Variants in SIK3 observed in about 807,000 individuals in gnomAD.
SIK3 encodes serine/threonine-protein kinase SIK3.
SIK3 carries 28 observed loss-of-function variants against 144.2 expected under a neutral mutation model. The observed-to-expected ratio is 0.19, with a 90% CI of 0.14 to 0.27. The LOEUF (loss-of-function observed/expected upper bound fraction) is 0.27. Ranked by LOEUF, SIK3 falls within the 10% of genes least tolerant of loss-of-function variation. The pLI is 1.00. For missense variants in SIK3, 1,319 were observed against 1,776.0 expected, an observed-to-expected ratio of 0.74 and a Z score of 4.62; for synonymous variants, 686 against 676.3, an observed-to-expected ratio of 1.01 and a Z score of -0.22.
intron 2 of SIK3, among the ~76,000 whole-genome samples, chr11:116,956,724 TA>T (rs1236950704): frequency 6.6e-6 from 1 of 152,088 alleles, no homozygotes; most frequent in Non-Finnish European, 1.5e-5. Flanking sequence ...AAGAACAAAT[TA>T]AAAAGACCTA....
intron 1 of SIK3, among the ~76,000 whole-genome samples, chr11:116,973,514 CCAAA>C (rs145029064): frequency 2.0e-5 from 3 of 152,256 alleles, no homozygotes; most frequent in Non-Finnish European, 2.9e-5. Context: ...CCTTAGTTTA[CCAAA>C]CAAAGTTACT....
In SIK3 at chr11:116,844,672, A is replaced by ATATAT. The variant is rs554134911; in HGVS notation, c.*966_*970dup. ...TTATATATATAATATATATATACAC[A>ATATAT]TATATTATATTATATATATACACAC... On this transcript the variant is annotated 3_prime_UTR_variant, in exon 25 of 25. Coordinates refer to ENST00000445177, the MANE Select transcript of SIK3 (RefSeq NM_001366686.3). The ATATAT allele has an allele frequency of 1.8e-5, 2 of 113,666 alleles. No homozygotes were observed. Among genetic ancestry groups the ATATAT allele is most frequent in the Non-Finnish European group, 3.4e-5 (2 of 58,282 alleles). The allele number at this position is 113,666 out of a possible 1,614,324, so 7.0% of individuals were successfully genotyped here. A position where few individuals can be genotyped will look rare whatever the true frequency, so the allele number is the denominator to read the frequency against.
chr11:117,006,606 C>A (rs1245390718), intron 1 of SIK3, among the ~76,000 whole-genome samples: 2 of 150,194 alleles, frequency 1.3e-5, no homozygotes, highest in African/African-American at 4.9e-5. Flanking sequence ...CAAACCCAAA[C>A]AAACAACACA....
intron 1 of SIK3, among the ~76,000 whole-genome samples, chr11:117,086,848 A>C (rs1271669801): frequency 6.6e-6 from 1 of 151,922 alleles, no homozygotes; most frequent in African/African-American, 2.4e-5. Context: ...TACAAAAATT[A>C]GCCAGGTGTG....
At chr11:117,082,889 G>A (rs1014738820) in intron 1 of SIK3, among the ~76,000 whole-genome samples, 1 of 151,992 alleles carries the variant, frequency 6.6e-6, no homozygotes, top group African/African-American at 2.4e-5. Flanking sequence ...GAAACATCCC[G>A]ATTCCCGCAC....
At chr11:116,997,536 T>C (rs1368672932) in intron 1 of SIK3, among the ~76,000 whole-genome samples, 1 of 152,242 alleles carries the variant, frequency 6.6e-6, no homozygotes, top group Middle Eastern at 3.2e-3. Context: ...AGGAATAAAA[T>C]ATACACTATT....
In SIK3 at chr11:116,844,677, T is replaced by TACACA. The variant is rs1322423208; in HGVS notation, c.*965_*966insTGTGT. On this transcript the variant is annotated 3_prime_UTR_variant, in exon 25 of 25. Transcript: ENST00000445177. ...TATATAATATATATATACACATATA[T>TACACA]TATATTATATATATACACACATATA... 1 of 100,586 alleles carries TACACA rather than the reference T, an allele frequency of 9.9e-6. No individual in the cohort carries two copies. Among genetic ancestry groups the TACACA allele is most frequent in the Non-Finnish European group, 2.0e-5 (1 of 49,492 alleles). 6.2% of individuals were successfully genotyped at this position (100,586 alleles called of 1,614,324 possible). A position where few individuals can be genotyped will look rare whatever the true frequency, so the allele number is the denominator to read the frequency against.
At chr11:116,921,365 C>A (rs760814188) in intron 4 of SIK3, among the ~76,000 whole-genome samples, 57 of 152,090 alleles carry the variant, frequency 3.7e-4, no homozygotes, top group Non-Finnish European at 6.8e-4. Flanking sequence ...ATGTTTGCTG[C>A]CCATATAGCC....
chr11:117,061,814 G>T (rs527303992), intron 1 of SIK3, among the ~76,000 whole-genome samples: 3 of 152,168 alleles, frequency 2.0e-5, no homozygotes, highest in East Asian at 1.9e-4. Flanking sequence ...AGAAATATTA[G>T]AAGAGTCCAA....
intron 1 of SIK3, among the ~76,000 whole-genome samples, chr11:117,033,412 G>GA (rs1439476302): frequency 3.9e-5 from 6 of 152,028 alleles, no homozygotes; most frequent in African/African-American, 1.4e-4. Flanking sequence ...TAAAAATATA[G>GA]AAAAAATAGC....
chr11:116,982,695 C>A (rs937937847), intron 1 of SIK3, among the ~76,000 whole-genome samples: 1 of 152,056 alleles, frequency 6.6e-6, no homozygotes, highest in African/African-American at 2.4e-5. Context: ...CTGGCTCACA[C>A]CTGTAATCCC....
rs138009556 is a variant in SIK3 at position 117,026,389 on chromosome 11, C to T, written c.274-69325G>A. Among the ~76,000 whole-genome samples, 440 of 152,204 alleles carry T rather than the reference C, an allele frequency of 2.9e-3. 1 individual carries two copies. The highest frequency in any genetic ancestry group is 0.01 in the African/African-American group (416 of 41,524). On this transcript the variant is annotated intron_variant, in intron 1 of 24. Coordinates refer to ENST00000445177, the MANE Select transcript of SIK3 (RefSeq NM_001366686.3). ...TGATGCATTTCTCAGAATGTATCCC[C>T]ATCGCTAAGCAGTGCGTGACTATAC...
chr11:116,999,400 T>G (rs897190537), intron 1 of SIK3, among the ~76,000 whole-genome samples: 1 of 152,214 alleles, frequency 6.6e-6, no homozygotes, highest in African/African-American at 2.4e-5. Context: ...AAAAAAATTT[T>G]TTTAATCTGT....
chr11:116,952,922 C>T (rs1005417124), intron 3 of SIK3, among the ~76,000 whole-genome samples: 17 of 152,174 alleles, frequency 1.1e-4, no homozygotes. Context: ...CCCTCCCATA[C>T]TATATTGAGT....
In SIK3 at chr11:116,843,414, G is replaced by T. The variant is rs549175216; in HGVS notation, c.*2229C>A. ...AGGACAAAAGGTCTTAGCAACTTGA[G>T]TCTGGAGATTTTTTTTTTAATCCTT... On this transcript the variant is annotated 3_prime_UTR_variant, in exon 25 of 25. Coordinates refer to ENST00000445177, the MANE Select transcript of SIK3 (RefSeq NM_001366686.3). 2.8e-4 allele frequency: 43 copies of T among 152,058 alleles called. 1 individual carries two copies. The highest frequency in any genetic ancestry group is 9.4e-4 in the African/African-American group (39 of 41,400). The allele number at this position is 152,058 out of a possible 1,614,324, so 9.4% of individuals were successfully genotyped here.
intron 1 of SIK3, among the ~76,000 whole-genome samples, chr11:117,005,421 G>A (rs1325410251): frequency 6.6e-6 from 1 of 151,768 alleles, no homozygotes; most frequent in Non-Finnish European, 1.5e-5. Flanking sequence ...GAGGTGGGAG[G>A]TGTTTTTGCA....
Position 116,974,693 on chromosome 11 carries a change from C to T in SIK3, c.274-17629G>A, listed in dbSNP as rs140983302. On this transcript the variant is annotated intron_variant, in intron 1 of 24. Transcript: ENST00000445177. ...TACAGGTATAAGCCACCGTACCTGG[C>T]CTTGAAATCTTTTTTAAAAATGTAT... Among the ~76,000 whole-genome samples, 555 of 152,252 alleles carry T rather than the reference C, an allele frequency of 3.6e-3. 3 individuals are homozygous for T. Among genetic ancestry groups the T allele is most frequent in the African/African-American group, 0.013 (532 of 41,562 alleles).
chr11:116,952,294 C>T (rs1227291061), intron 3 of SIK3, among the ~76,000 whole-genome samples: 1 of 152,146 alleles, frequency 6.6e-6, no homozygotes, highest in Non-Finnish European at 1.5e-5. Context: ...ATCAGCTACT[C>T]AGATGGCTGA....
At chr11:116,971,254 C>T (rs752408244) in intron 1 of SIK3, among the ~76,000 whole-genome samples, 1 of 152,082 alleles carries the variant, frequency 6.6e-6, no homozygotes, top group Non-Finnish European at 1.5e-5. Flanking sequence ...GAATGTGAAA[C>T]GGGCAACAAG....
Sources: gnomAD v4.1 joint callset for allele counts (sites outside exome capture counted in the v4.1 genomes callset) on GRCh38, gnomAD v4.1.1 for gene constraint, MANE v1.5 for transcripts, NCBI Gene and HGNC (gene_info 2026-07-23, HGNC 2026-07-21) for gene names.